The following ZNF507 variants were observed in gnomAD, a reference collection of about 807,000 sequenced individuals.
The protein encoded by ZNF507 is zinc finger protein 507.
ZNF507 carries 29 observed loss-of-function variants against 80.0 expected under a neutral mutation model. The ratio of observed to expected loss-of-function variants is 0.36; its 90% CI spans 0.27 to 0.49. The LOEUF is 0.49. Ranked by LOEUF, ZNF507 falls within the 20% of genes least tolerant of loss-of-function variation. ZNF507 has a pLI of 0.98. For missense variants in ZNF507, 1,081 were observed against 1,152.2 expected, an observed-to-expected ratio of 0.94 and a Z score of 0.90; for synonymous variants, 462 against 422.5, an observed-to-expected ratio of 1.09 and a Z score of -1.15.
chr19:32,380,606 T>C (rs1205682412), intron 5 of ZNF507: 1 of 1,535,392 alleles, frequency 6.5e-7, no homozygotes, highest in South Asian at 1.2e-5. Context: ...CTTATTGGTG[T>C]AGGAAAGAGT....
At chr19:32,380,963 TC>T (rs1449130793) in intron 5 of ZNF507, among the ~76,000 whole-genome samples, 1 of 152,062 alleles carries the variant, frequency 6.6e-6, no homozygotes, top group Non-Finnish European at 1.5e-5. Context: ...ACATGAATGT[TC>T]CTATCACCAA....
At chr19:32,351,637 A>G (rs998508936) in intron 2 of ZNF507, among the ~76,000 whole-genome samples, 2 of 151,632 alleles carry the variant, frequency 1.3e-5, no homozygotes, top group South Asian at 2.1e-4. Context: ...TTCACCACCT[A>G]AAATAAGAAT....
chr19:32,360,465 T>G, intron 4 of ZNF507, 39 bp from the exon 5 acceptor site: 1 of 1,135,436 alleles, frequency 8.8e-7, no homozygotes, highest in Non-Finnish European at 1.2e-6. Flanking sequence ...TTGAATCTTG[T>G]CAAAGCCTGC....
intron 2 of ZNF507, among the ~76,000 whole-genome samples, chr19:32,349,580 A>T (rs1280920161): frequency 6.6e-6 from 1 of 152,220 alleles, no homozygotes; most frequent in African/African-American, 2.4e-5. Context: ...TGCAAGTATT[A>T]AGAATTTAAA....
At chr19:32,363,244 C>T (rs1484488094) in intron 5 of ZNF507, among the ~76,000 whole-genome samples, 1 of 152,168 alleles carries the variant, frequency 6.6e-6, no homozygotes, top group African/African-American at 2.4e-5. Context: ...TGATTCCCTA[C>T]ATTTTGTTAA....
Position 32,353,726 on chromosome 19 carries a change from C to A in ZNF507, c.896C>A (p.Pro299His), listed in dbSNP as rs373099843. Residue 299 changes from proline to histidine, a missense_variant, in exon 3 of 7, where the codon CCT (proline) becomes CAT (histidine). Transcript: ENST00000355898. ...GLLDSSAAAA[P>H]GGVDAVVIAI... Reference sequence around the variant, plus strand: ...CTGGATTCTTCAGCAGCTGCTGCGCCTGGTGGGGTCGATGCAGTCGTCATT... The same window carrying A: ...CTGGATTCTTCAGCAGCTGCTGCGCATGGTGGGGTCGATGCAGTCGTCATT... 2.5e-5 allele frequency: 41 copies of A among 1,614,056 alleles called. No individual in the cohort carries two copies. Among genetic ancestry groups the A allele is most frequent in the Non-Finnish European group, 2.7e-5 (32 of 1,180,048 alleles).
In ZNF507 at chr19:32,353,487, C is replaced by G. The variant is rs1236605541; in HGVS notation, c.657C>G (p.Asp219Glu). ...ETIPDIPVSV[D>E]NLQTHTVQTA... is the part of the protein sequence containing the mutation. ...TTCCAGATATCCCAGTAAGTGTGGA[C>G]AATCTACAGACTCATACTGTCCAAA... Residue 219 changes from aspartate (D) to glutamate (E), a missense_variant, in exon 3 of 7, where the codon GAC (aspartate) becomes GAG (glutamate). Physicochemically the swap from Asp to Glu is conservative, Grantham distance 45. Coordinates refer to ENST00000355898, the MANE Select transcript of ZNF507 (RefSeq NM_001136156.2). 2 of 1,614,068 alleles carry G rather than the reference C, an allele frequency of 1.2e-6. No individual in the cohort carries two copies. Among genetic ancestry groups the G allele is most frequent in the African/African-American group, 1.3e-5 (1 of 74,916 alleles).
At chr19:32,375,144 G>A (rs1689427138) in intron 5 of ZNF507, among the ~76,000 whole-genome samples, 1 of 151,978 alleles carries the variant, frequency 6.6e-6, no homozygotes, top group Non-Finnish European at 1.5e-5. Flanking sequence ...GAAACATGTA[G>A]CTCATTGGTT....
chr19:32,386,342 G>T lies in ZNF507; in HGVS notation c.*3259G>T, dbSNP rs1967689431. 1 of 152,688 alleles carries T rather than the reference G, an allele frequency of 6.5e-6. No homozygotes were observed. The allele number at this position is 152,688 out of a possible 1,614,324, so 9.5% of individuals were successfully genotyped here. On this transcript the variant is annotated 3_prime_UTR_variant, in exon 7 of 7. Coordinates refer to ENST00000355898, the MANE Select transcript of ZNF507 (RefSeq NM_001136156.2). ...TTGACAAAGACAAGCAGGCTTCTCT[G>T]TTGAGACTTATTGTGTTTTTAGTTT... is the stretch of plus-strand genomic sequence containing the variant.
At chr19:32,356,519 A>G in intron 3 of ZNF507, 97 bp from the exon 4 acceptor site, 2 of 773,358 alleles carry the variant, frequency 2.6e-6, no homozygotes, top group Non-Finnish European at 2.2e-6. Flanking sequence ...AATTCGTTGT[A>G]CTAGGCCATG....
chr19:32,356,686 A>G lies in ZNF507; in HGVS notation c.2198A>G (p.Glu733Gly). The G allele has an allele frequency of 6.2e-7, 1 of 1,614,166 alleles. No homozygotes were observed. The highest frequency in any genetic ancestry group is 1.1e-5 in the South Asian group (1 of 91,082). ...PDTLSIATSNEPRISSDTADG... is the reference protein window; with the variant it reads ...PDTLSIATSNGPRISSDTADG... The stretch of plus-strand genomic sequence containing the variant: ...ACCTTGTCAATAGCAACTTCTAATG[A>G]GCCAAGAATTTCCAGTGATACAGCT... The change falls in exon 4 of 7, where the codon GAG (glutamate) becomes GGG (glycine). Residue 733 changes from glutamate to glycine, a missense_variant. Glu to Gly is a moderately conservative substitution (Grantham distance 98, BLOSUM62 -2). Coordinates refer to ENST00000355898, the MANE Select transcript of ZNF507 (RefSeq NM_001136156.2).
intron 5 of ZNF507, among the ~76,000 whole-genome samples, chr19:32,377,804 T>A (rs1967571220): frequency 6.6e-6 from 1 of 152,070 alleles, no homozygotes; most frequent in Non-Finnish European, 1.5e-5. Context: ...TTCCCAGTGG[T>A]ACACTTTGGA....
chr19:32,375,159 A>G (rs1419502066), intron 5 of ZNF507, among the ~76,000 whole-genome samples: 3 of 152,176 alleles, frequency 2.0e-5, no homozygotes, highest in Admixed American at 2.0e-4. Flanking sequence ...TTGGTTCCCA[A>G]CTAAGGGCTT....
intron 1 of ZNF507, among the ~76,000 whole-genome samples, chr19:32,346,038 C>G (rs1195316269): frequency 6.6e-6 from 1 of 152,230 alleles, no homozygotes; most frequent in Admixed American, 6.5e-5. Flanking sequence ...CAGCCCGGCC[C>G]GCCCGCAGGC....
rs756030890 is a variant in ZNF507, at chr19:32,354,272, G to A, written c.1442G>A (p.Gly481Asp). The change falls in exon 3 of 7, where the codon GGC becomes GAC. Residue 481 changes from glycine (G) to aspartate (D), a missense_variant. Coordinates refer to ENST00000355898, the MANE Select transcript of ZNF507 (RefSeq NM_001136156.2). ...GCTACTGATGAGAATGCCCCACCAG[G>A]CCGGAGAAGGACAAATTCTGAGTCT... ...GLATDENAPP[G>D]RRRTNSESLR... The A allele has an allele frequency of 1.2e-6, 2 of 1,614,178 alleles. No individual in the cohort carries two copies. The highest frequency in any genetic ancestry group is 2.2e-5 in the East Asian group (1 of 44,878).
intron 5 of ZNF507, chr19:32,380,555 C>T: frequency 2.0e-6 from 3 of 1,520,290 alleles, no homozygotes; most frequent in South Asian, 1.2e-5. Flanking sequence ...ACTCCTATGC[C>T]GTTTGATTTT....
intron 5 of ZNF507, among the ~76,000 whole-genome samples, chr19:32,367,632 A>G (rs1281385914): frequency 1.3e-5 from 2 of 152,208 alleles, no homozygotes; most frequent in Admixed American, 6.5e-5. Flanking sequence ...AAGGTAGACG[A>G]TGATACAGAA....
rs374828100 is a variant in ZNF507, at chr19:32,383,951, T to C, written c.*868T>C. 11 of 152,306 alleles carry C rather than the reference T, an allele frequency of 7.2e-5. No homozygotes were observed. In the East Asian group the frequency reaches 1.4e-3, roughly 19 times the overall value. 9.4% of individuals were successfully genotyped at this position (152,306 alleles called of 1,614,324 possible). A position where few individuals can be genotyped will look rare whatever the true frequency, so the allele number is the denominator to read the frequency against. ...TGAAACCACACTTGTTATCTGAAAG[T>C]GTGTGAAAGAAACAATGTATGAAAA... is the stretch of plus-strand genomic sequence containing the variant. On this transcript the variant is annotated 3_prime_UTR_variant, in exon 7 of 7. Coordinates refer to ENST00000355898, the MANE Select transcript of ZNF507 (RefSeq NM_001136156.2).
chr19:32,364,731 GTTGA>G (rs1967375240), intron 5 of ZNF507, among the ~76,000 whole-genome samples: 1 of 152,050 alleles, frequency 6.6e-6, no homozygotes, highest in South Asian at 2.1e-4. Context: ...TTATCCACTC[GTTGA>G]TTGATGGGCA....
Sources: gnomAD v4.1 joint callset for allele counts (sites outside exome capture counted in the v4.1 genomes callset) on GRCh38, gnomAD v4.1.1 for gene constraint, MANE v1.5 for transcripts, NCBI Gene and HGNC (gene_info 2026-07-23, HGNC 2026-07-21) for gene names.